YARS2: variants seen among roughly 807,000 people sequenced by gnomAD.
YARS2 encodes tyrosyl-tRNA synthetase 2, also known as tyrosine--tRNA ligase, mitochondrial.
YARS2 carries 38 observed loss-of-function variants against 45.0 expected under a neutral mutation model. The ratio of observed to expected loss-of-function variants is 0.84; its 90% confidence interval spans 0.65 to 1.11. YARS2 has a LOEUF of 1.11. Ranked by LOEUF, YARS2 falls within the 50% of genes least tolerant of loss-of-function variation. The probability of loss-of-function intolerance (pLI) is 0.00; values close to 1 mark genes in which losing one functional copy is unlikely to be tolerated. For missense variants in YARS2, 602 were observed against 599.8 expected, an observed-to-expected ratio of 1.00 and a Z score of -0.04; for synonymous variants, 287 against 245.1, an observed-to-expected ratio of 1.17 and a Z score of -1.60.
At chr12:32,754,145 G>A (rs1955801346) in intron 1 of YARS2, 60 bp from the exon 2 acceptor site, 1 of 1,596,206 alleles carries the variant, frequency 6.3e-7, no homozygotes, top group African/African-American at 1.3e-5. Flanking sequence ...AGGTTCTACT[G>A]TTCACCTTCC....
chr12:32,747,506 T>TGCCGG (rs1955665397), intron 4 of YARS2, 143 bp from the exon 5 acceptor site: 1 of 818,318 alleles, frequency 1.2e-6, no homozygotes. Context: ...TCATGTTTGC[T>TGCCGG]CTATTATTAA....
At chr12:32,752,684 T>C in intron 2 of YARS2, 2 of 277,070 alleles carry the variant, frequency 7.2e-6, no homozygotes, top group South Asian at 3.1e-5. Context: ...GAGGTTGCAA[T>C]GAGCCAAGAT....
rs770585956 is a variant in YARS2 at position 32,755,594 on chromosome 12, G to A, written c.281C>T (p.Ala94Val). 2.5e-6 allele frequency: 4 copies of A among 1,613,958 alleles called. No homozygotes were observed. In the East Asian group the frequency reaches 6.7e-5, roughly 27 times the overall value. ...CTGCAAATGAAACAGGCCCAGCAGCGCAAGTAGATGACCCACATGAAGCGA... is the reference window on the plus strand; with the variant it reads ...CTGCAAATGAAACAGGCCCAGCAGCACAAGTAGATGACCCACATGAAGCGA... ...ADSLHVGHLL[A>V]LLGLFHLQRA... Residue 94 changes from alanine (A) to valine (V), a missense_variant, in exon 1 of 5, where the codon GCG becomes GTG. By Grantham distance (64) the Ala-to-Val change is moderately conservative. Coordinates refer to ENST00000324868, the MANE Select transcript of YARS2 (RefSeq NM_001040436.3).
chr12:32,754,526 T>C (rs11830934), intron 1 of YARS2, among the ~76,000 whole-genome samples: 23,077 of 152,146 alleles, frequency 0.15, 1,871 homozygotes, highest in African/African-American at 0.2. Flanking sequence ...AAAAAACTTT[T>C]TGAGATACCA....
intron 2 of YARS2, among the ~76,000 whole-genome samples, chr12:32,752,380 GATTTAAAGGTAAT>G (rs900712256): frequency 1.1e-4 from 16 of 152,222 alleles, no homozygotes; most frequent in Admixed American, 5.9e-4. Flanking sequence ...AGAGTTGCTA[GATTTAAAGGTAAT>G]ATATATAAAG....
chr12:32,750,962 A>G (rs751340465), intron 2 of YARS2, 88 bp from the exon 3 acceptor site: 28 of 1,462,502 alleles, frequency 1.9e-5, no homozygotes, highest in African/African-American at 2.8e-5. Flanking sequence ...TATCCTGCTT[A>G]CTTTTAAATA....
rs190620111 is a variant in YARS2, at chr12:32,747,485, G to A, written c.1275-122C>T. 565 of 945,322 alleles carry A rather than the reference G, an allele frequency of 6.0e-4. 1 individual carries two copies. The highest frequency in any genetic ancestry group is 7.1e-4 in the Non-Finnish European group (425 of 598,890). The allele number at this position is 945,322 out of a possible 1,614,324, so 58.6% of individuals were successfully genotyped here. A position where few individuals can be genotyped will look rare whatever the true frequency, so the allele number is the denominator to read the frequency against. The stretch of plus-strand genomic sequence containing the variant: ...ATTGAGAAGATTTCATTTGGCACTG[G>A]ACTGTTACCTTCATGTTTGCTCTAT... On this transcript the variant is annotated intron_variant, in intron 4 of 4. Coordinates refer to ENST00000324868, the MANE Select transcript of YARS2 (RefSeq NM_001040436.3).
chr12:32,755,190 AGT>A lies in YARS2; in HGVS notation c.683_684del (p.Asp228ValfsTer18), dbSNP rs1183926504. 6.2e-7 allele frequency: 1 copy of A among 1,614,196 alleles called. No individual in the cohort carries two copies. Among genetic ancestry groups the A allele is most frequent in the Non-Finnish European group, 8.5e-7 (1 of 1,180,038 alleles). On this transcript the variant is annotated frameshift_variant, in exon 1 of 5. Coordinates refer to ENST00000324868, the MANE Select transcript of YARS2 (RefSeq NM_001040436.3). LOFTEE classifies it high-confidence loss of function. ...CCATAACGCTGGAAGAGGTAATAGA[AGT>A]CATAGGCCTGGAGCACCTGGTAAAA... ...EFFYQVLQAYDFYYLFQRYGC... is the reference protein window; with the variant it reads ...EFFYQVLQAYXFYYLFQRYGC...
rs146487785 is a variant in YARS2 at position 32,752,246 on chromosome 12, C to T, written c.948-1372G>A. Among the ~76,000 whole-genome samples, 945 of 152,202 alleles carry T rather than the reference C, an allele frequency of 6.2e-3. 3 individuals carry two copies. The highest frequency in any genetic ancestry group is 0.027 in the Middle Eastern group (8 of 294). ...TATATATAACACACAGAAAAAAGTA[C>T]ATTATTCACAAAGATATAGCTTAAT... On this transcript the variant is annotated intron_variant, in intron 2 of 4. Transcript: ENST00000324868.
At position 32,755,402 on chromosome 12, in the gene YARS2, A is replaced by C; in HGVS notation, c.473T>G (p.Leu158Arg). Reference sequence around the variant, plus strand: ...GCCCCAGGAGCGCCCATCAGTGAAAAGCTGCTGGTGATTAGCCGCCAGGGC... The same window carrying C: ...GCCCCAGGAGCGCCCATCAGTGAAACGCTGCTGGTGATTAGCCGCCAGGGC... ...LEALAANHQQ[L>R]FTDGRSWGSF... The change falls in exon 1 of 5, where the codon CTT (leucine) becomes CGT (arginine). Residue 158 changes from leucine (L) to arginine (R), a missense_variant. Physicochemically the swap from Leu to Arg is moderately radical, Grantham distance 102. Transcript: ENST00000324868. 1 of 1,613,794 alleles carries C rather than the reference A, an allele frequency of 6.2e-7. No homozygotes were observed. Among genetic ancestry groups the C allele is most frequent in the Non-Finnish European group, 8.5e-7 (1 of 1,180,024 alleles).
At chr12:32,752,344 G>A (rs553964763) in intron 2 of YARS2, among the ~76,000 whole-genome samples, 84 of 152,232 alleles carry the variant, frequency 5.5e-4, no homozygotes, top group Non-Finnish European at 1.0e-3. Flanking sequence ...AGTGGCTCAC[G>A]TCTGTAATCA....
In YARS2 at chr12:32,755,557, G is replaced by A. The variant is rs757306382; in HGVS notation, c.318C>T (p.His106=). ...CGCCTCCCACCAGCGCGATCACGTTGTGGCCCGCTCGCTGCAAATGAAACA... is the reference window on the plus strand; with the variant it reads ...CGCCTCCCACCAGCGCGATCACGTTATGGCCCGCTCGCTGCAAATGAAACA... The part of the protein sequence containing the change: ...LGLFHLQRAG[H]NVIALVGGAT... The change falls in exon 1 of 5, where the codon CAC becomes CAT. Residue 106 remains histidine, a synonymous_variant. Transcript: ENST00000324868. 6 of 1,613,620 alleles carry A rather than the reference G, an allele frequency of 3.7e-6. No individual in the cohort carries two copies. The Admixed American group carries it at 6.7e-5, about 18-fold the overall frequency.
intron 2 of YARS2, among the ~76,000 whole-genome samples, chr12:32,753,368 C>A (rs1279694124): frequency 6.6e-6 from 1 of 152,204 alleles, no homozygotes; most frequent in Non-Finnish European, 1.5e-5. Flanking sequence ...TCAATAGCAT[C>A]TTTTAATATT....
chr12:32,748,868 G>A (rs60993435), intron 4 of YARS2, among the ~76,000 whole-genome samples: 1,557 of 152,328 alleles, frequency 0.01, 34 homozygotes, highest in African/African-American at 0.035. Context: ...TTTGACTTCT[G>A]TGTGAACTCC....
At chr12:32,747,418 C>T (rs1193557275) in intron 4 of YARS2, 55 bp from the exon 5 acceptor site, 3 of 1,580,384 alleles carry the variant, frequency 1.9e-6, no homozygotes, top group Non-Finnish European at 2.6e-6. Flanking sequence ...TTGATCTGTC[C>T]CCCAAAAAAG....
chr12:32,754,250 A>G (rs1197317008), intron 1 of YARS2, among the ~76,000 whole-genome samples, 165 bp from the exon 2 acceptor site: 1 of 152,120 alleles, frequency 6.6e-6, no homozygotes, highest in Non-Finnish European at 1.5e-5. Context: ...TACTTACTCT[A>G]TTCATTCTGA....
At position 32,755,144 on chromosome 12, in the gene YARS2, C is replaced by G. The variant is rs759320963; in HGVS notation, c.731G>C (p.Gly244Ala). The G allele has an allele frequency of 6.9e-5, 112 of 1,614,054 alleles. No homozygotes were observed. Among genetic ancestry groups the G allele is most frequent in the Non-Finnish European group, 8.6e-5 (102 of 1,180,050 alleles). Residue 244 changes from glycine (G) to alanine (A), a missense_variant, in exon 1 of 5, where the codon GGA (glycine) becomes GCA (alanine). Transcript: ENST00000324868. ...QRYGCRVQLG[G>A]SDQLGNIMSG... ...CATGATGTTGCCTAGTTGATCAGAT[C>G]CGCCCAGCTGGACCCTGCATCCATA...
intron 2 of YARS2, among the ~76,000 whole-genome samples, chr12:32,751,986 CTTCAGTATTTAGTACAGTAATGTGCT>C (rs1406454826): frequency 6.6e-6 from 1 of 152,150 alleles, no homozygotes; most frequent in Non-Finnish European, 1.5e-5. Context: ...TTATCACTGC[CTTCAGTATTTAGTACAGTAATGTGCT>C]GTATGTGCTT....
At chr12:32,751,612 C>T (rs1592711232) in intron 2 of YARS2, among the ~76,000 whole-genome samples, 1 of 152,116 alleles carries the variant, frequency 6.6e-6, no homozygotes, top group Admixed American at 6.5e-5. Flanking sequence ...TACATATATC[C>T]GCGGTCCCCA....
Sources: allele counts gnomAD v4.1 joint callset (sites outside exome capture counted in the v4.1 genomes callset), GRCh38; gene constraint gnomAD v4.1.1; transcripts MANE v1.5; gene names NCBI Gene and HGNC (gene_info 2026-07-23, HGNC 2026-07-21).